Variants in SOCS7 observed in about 807,000 individuals in gnomAD.
The protein encoded by SOCS7 is NAP-4.
SOCS7 carries 18 observed loss-of-function variants against 58.9 expected under a neutral mutation model. The observed-to-expected ratio is 0.31, with a 90% CI of 0.21 to 0.45. The LOEUF is 0.45. Ranked by LOEUF, SOCS7 falls within the 20% of genes least tolerant of loss-of-function variation. The probability of loss-of-function intolerance (pLI) is 1.00; values close to 1 mark genes in which losing one functional copy is unlikely to be tolerated. For missense variants in SOCS7, 667 were observed against 837.3 expected, an observed-to-expected ratio of 0.80 and a Z score of 2.51; for synonymous variants, 388 against 364.3, an observed-to-expected ratio of 1.06 and a Z score of -0.74.
At chr17:38,356,557 G>A (rs751829276) in intron 1 of SOCS7, among the ~76,000 whole-genome samples, 3 of 151,992 alleles carry the variant, frequency 2.0e-5, no homozygotes, top group Admixed American at 1.3e-4. Context: ...TAGAGACGGC[G>A]TTTCACTGTG....
intron 6 of SOCS7, among the ~76,000 whole-genome samples, chr17:38,370,900 C>T (rs922693210): frequency 4.6e-5 from 7 of 151,680 alleles, no homozygotes; most frequent in Admixed American, 2.0e-4. Context: ...CCGCCTGCCT[C>T]GGCCTCCCAA....
At chr17:38,397,237 G>A (rs1317224338) in intron 9 of SOCS7, among the ~76,000 whole-genome samples, 1 of 152,212 alleles carries the variant, frequency 6.6e-6, no homozygotes, top group African/African-American at 2.4e-5. Flanking sequence ...TCCTAAGGAA[G>A]AGAGTGATTA....
chr17:38,361,846 T>TA, intron 2 of SOCS7, 71 bp downstream of exon 2: 1 of 1,062,816 alleles, frequency 9.4e-7, no homozygotes, highest in Non-Finnish European at 1.4e-6. Flanking sequence ...GGGAAACACT[T>TA]ACAGATGCAT....
chr17:38,391,563 T>G (rs2038173493), intron 7 of SOCS7, among the ~76,000 whole-genome samples: 1 of 152,066 alleles, frequency 6.6e-6, no homozygotes. Flanking sequence ...GCTAATTTTT[T>G]TAATTTTAAT....
intron 7 of SOCS7, among the ~76,000 whole-genome samples, chr17:38,391,915 T>A (rs1432822265): frequency 6.6e-6 from 1 of 152,204 alleles, no homozygotes; most frequent in Non-Finnish European, 1.5e-5. Flanking sequence ...TGTTTATACC[T>A]GGAAGAGATT....
chr17:38,395,857 C>A lies in SOCS7; in HGVS notation c.1827C>A (p.Ile609=). ...CATTTGTTTTTCACAGACCTCTGAT[C>A]TCTTATATCCGAAAGTTCTACTACT... ...IPDLPLPKPL[I]SYIRKFYYYD... Residue 609 remains isoleucine (I), a synonymous_variant, in exon 9 of 10, where the codon ATC becomes ATA. Transcript: ENST00000612932. 1 of 1,609,932 alleles carries A rather than the reference C, an allele frequency of 6.2e-7. No homozygotes were observed. The highest frequency in any genetic ancestry group is 8.5e-7 in the Non-Finnish European group (1 of 1,178,956).
At chr17:38,383,411 A>C (rs2038028211) in intron 7 of SOCS7, among the ~76,000 whole-genome samples, 1 of 152,122 alleles carries the variant, frequency 6.6e-6, no homozygotes, top group African/African-American at 2.4e-5. Flanking sequence ...TGGCCCTATA[A>C]AGGTGGTACC....
At chr17:38,364,214 C>G (rs1555567953) in intron 2 of SOCS7, among the ~76,000 whole-genome samples, 1 of 152,168 alleles carries the variant, frequency 6.6e-6, no homozygotes, top group African/African-American at 2.4e-5. Context: ...CAGGTAGATT[C>G]TCTTATGTGT....
intron 6 of SOCS7, among the ~76,000 whole-genome samples, chr17:38,377,491 T>C (rs1373226115): frequency 6.6e-6 from 1 of 152,182 alleles, no homozygotes; most frequent in Non-Finnish European, 1.5e-5. Flanking sequence ...TGTATTTACT[T>C]AACAAAAACC....
intron 7 of SOCS7, among the ~76,000 whole-genome samples, chr17:38,385,437 TTTTC>T (rs796839236): frequency 9.9e-5 from 14 of 142,022 alleles, no homozygotes; most frequent in Non-Finnish European, 1.2e-4. Context: ...TCTGAATTTC[TTTTC>T]TTTCTTTTTT....
At chr17:38,373,541 G>A (rs2037893904) in intron 6 of SOCS7, among the ~76,000 whole-genome samples, 1 of 152,218 alleles carries the variant, frequency 6.6e-6, no homozygotes, top group African/African-American at 2.4e-5. Context: ...TTAATAATCA[G>A]GACTACCTTT....
At position 38,366,318 on chromosome 17, in the gene SOCS7, A is replaced by T; in HGVS notation, c.1284A>T (p.Ala428=). 6.2e-7 allele frequency: 1 copy of T among 1,614,152 alleles called. No individual in the cohort carries two copies. The highest frequency in any genetic ancestry group is 1.3e-5 in the African/African-American group (1 of 75,040). The change falls in exon 5 of 10, where the codon GCA becomes GCT. Residue 428 remains alanine (A), a synonymous_variant. Coordinates refer to ENST00000612932, the MANE Select transcript of SOCS7 (RefSeq NM_014598.4). ...TTCCCCGGATTGCTCCCATCCGAGC[A>T]GCTGAATCCCTGCACAGCCAACCCC... ...DAFPRIAPIR[A]AESLHSQPPQ...
chr17:38,401,167 G>A lies in SOCS7; in HGVS notation c.*1685G>A, dbSNP rs1314134121. On this transcript the variant is annotated 3_prime_UTR_variant, in exon 10 of 10. Coordinates refer to ENST00000612932, the MANE Select transcript of SOCS7 (RefSeq NM_014598.4). ...TTGTAGCTGAACAGGGAGGAAACTT[G>A]CACCATTACCTGACTGTGGAAGGGT... The A allele has an allele frequency of 1.3e-5, 2 of 152,164 alleles. No individual in the cohort carries two copies. The highest frequency in any genetic ancestry group is 2.9e-5 in the Non-Finnish European group (2 of 68,036). The allele number at this position is 152,164 out of a possible 1,614,324, so 9.4% of individuals were successfully genotyped here. A position where few individuals can be genotyped will look rare whatever the true frequency, so the allele number is the denominator to read the frequency against.
chr17:38,360,511 T>A (rs1432523064), intron 1 of SOCS7, among the ~76,000 whole-genome samples: 1 of 151,506 alleles, frequency 6.6e-6, no homozygotes, highest in Non-Finnish European at 1.5e-5. Flanking sequence ...ATATTTCTTT[T>A]TTTTTATTTT....
At chr17:38,385,295 T>C (rs1186424906) in intron 7 of SOCS7, among the ~76,000 whole-genome samples, 1 of 152,102 alleles carries the variant, frequency 6.6e-6, no homozygotes, top group African/African-American at 2.4e-5. Context: ...GGAGTTTACC[T>C]ATTGCTTCTC....
intron 7 of SOCS7, among the ~76,000 whole-genome samples, chr17:38,389,876 T>TACAC (rs2038138767): frequency 8.8e-6 from 1 of 113,980 alleles, no homozygotes; most frequent in African/African-American, 3.9e-5. Flanking sequence ...TACATATATA[T>TACAC]ATATATGTAC....
chr17:38,373,281 G>C (rs1250959696), intron 6 of SOCS7, among the ~76,000 whole-genome samples: 1 of 152,176 alleles, frequency 6.6e-6, no homozygotes, highest in African/African-American at 2.4e-5. Context: ...CTTGAAAAAT[G>C]TCAAGATAAC....
At chr17:38,381,350 CT>C (rs1490898043) in intron 7 of SOCS7, among the ~76,000 whole-genome samples, 3 of 138,182 alleles carry the variant, frequency 2.2e-5, no homozygotes, top group Non-Finnish European at 5.0e-5. Context: ...TTAGAGGAGA[CT>C]ATTAGGGTGA....
At chr17:38,373,994 G>T (rs1274726901) in intron 6 of SOCS7, among the ~76,000 whole-genome samples, 5 of 152,206 alleles carry the variant, frequency 3.3e-5, no homozygotes, top group African/African-American at 4.8e-5. Context: ...GCCAAGGTGG[G>T]TGGATCACCT....
Sources: allele counts gnomAD v4.1 joint callset (sites outside exome capture counted in the v4.1 genomes callset), GRCh38; gene constraint gnomAD v4.1.1; transcripts MANE v1.5; gene names NCBI Gene and HGNC (gene_info 2026-07-23, HGNC 2026-07-21).